Variants in ATP7B observed in about 807,000 individuals in gnomAD.
ATP7B encodes the protein copper-transporting ATPase 2.
A neutral mutation model predicts 118.9 loss-of-function variants in ATP7B; 113 were observed. The observed-to-expected ratio is 0.95, with a 90% confidence interval of 0.82 to 1.11. The LOEUF is 1.11. Among genes scored for constraint, ATP7B ranks in the 50% most tolerant of loss-of-function variants. ATP7B has a pLI of 0.00. For synonymous variants in ATP7B, 777 were observed against 727.4 expected (o/e 1.07, Z -1.10); for missense variants, 1,867 against 1,871.4 (o/e 1.00, Z 0.04).
In ATP7B at chr13:51,958,291, G is replaced by T; in HGVS notation, c.2355+20C>A. 1 of 1,611,580 alleles carries T rather than the reference G, an allele frequency of 6.2e-7. No homozygotes were observed. The highest frequency in any genetic ancestry group is 1.1e-5 in the South Asian group (1 of 91,000). ...TTTACTGAAGGAGCAGCTCTTTTCT[G>T]AACCTGAAGCTGCTGTTACCTTTGC... On this transcript the variant is annotated intron_variant, in intron 8 of 20. Transcript: ENST00000242839.
intron 4 of ATP7B, chr13:51,967,285 T>G: frequency 1.4e-6 from 1 of 718,094 alleles, no homozygotes. Context: ...ACATTTTACA[T>G]GCAGTTATTT....
intron 9 of ATP7B, among the ~76,000 whole-genome samples, chr13:51,951,152 G>A (rs1002211910): frequency 2.0e-5 from 3 of 151,950 alleles, no homozygotes; most frequent in South Asian, 2.1e-4. Flanking sequence ...CAGCCCAAGC[G>A]GAAGATGGAA....
At chr13:51,975,350 C>T (rs1249351284) in intron 1 of ATP7B, 182 bp from the exon 2 acceptor site, 3 of 853,298 alleles carry the variant, frequency 3.5e-6, no homozygotes, top group Non-Finnish European at 6.0e-6. Flanking sequence ...TGAAAGAGCT[C>T]TGACATTCTT....
intron 1 of ATP7B, among the ~76,000 whole-genome samples, chr13:52,008,324 G>C (rs546414168): frequency 6.6e-6 from 1 of 152,306 alleles, no homozygotes; most frequent in East Asian, 1.9e-4. Flanking sequence ...TAGCAACAGA[G>C]TGAGACTACC....
At chr13:52,011,152 A>G (rs557917469) in intron 1 of ATP7B, 135 bp downstream of exon 1, 31 of 1,326,386 alleles carry the variant, frequency 2.3e-5, no homozygotes, top group Non-Finnish European at 3.1e-5. Context: ...TCCCACGCCA[A>G]GACATCCCTG....
intron 19 of ATP7B, 131 bp downstream of exon 19, chr13:51,937,145 A>G: frequency 1.3e-6 from 1 of 794,106 alleles, no homozygotes; most frequent in Non-Finnish European, 2.1e-6. Context: ...ACATGAAAAA[A>G]AAAAAAAAAC....
intron 5 of ATP7B, among the ~76,000 whole-genome samples, chr13:51,964,092 A>G (rs1292520998): frequency 2.0e-5 from 3 of 150,274 alleles, no homozygotes; most frequent in Non-Finnish European, 4.4e-5. Flanking sequence ...CACATAACAG[A>G]CAGCATCTCT....
chr13:52,007,322 C>T (rs2140665265), intron 1 of ATP7B, among the ~76,000 whole-genome samples: 1 of 152,324 alleles, frequency 6.6e-6, no homozygotes, highest in Admixed American at 6.5e-5. Flanking sequence ...CTGGCTAGGA[C>T]TCAATCCTAG....
intron 13 of ATP7B, among the ~76,000 whole-genome samples, chr13:51,944,944 A>G (rs1957555321): frequency 6.6e-6 from 1 of 152,228 alleles, no homozygotes; most frequent in Non-Finnish European, 1.5e-5. Flanking sequence ...CTGAAAGTCC[A>G]GTAATTCCTG....
At chr13:51,969,225 G>A (rs1856663717) in intron 3 of ATP7B, among the ~76,000 whole-genome samples, 1 of 151,758 alleles carries the variant, frequency 6.6e-6, no homozygotes, top group African/African-American at 2.4e-5. Context: ...AAACTTTAAT[G>A]GACATATGAA....
In ATP7B at chr13:52,010,162, C is replaced by T. The variant is rs550330481; in HGVS notation, c.51+1125G>A. 2.0e-5 allele frequency among the ~76,000 whole-genome samples: 3 copies of T among 152,256 alleles called. No individual in the cohort carries two copies. In the East Asian group the frequency reaches 5.8e-4, roughly 29 times the overall value. On this transcript the variant is annotated intron_variant, in intron 1 of 20. Transcript: ENST00000242839. ...CAAGCCACCCCTCCCAACATTTCTT[C>T]ATACTCCTATCAAATGCATAGTCAT...
chr13:51,940,984 T>C (rs1957295428), intron 16 of ATP7B, 97 bp downstream of exon 16: 2 of 1,553,674 alleles, frequency 1.3e-6, no homozygotes, highest in African/African-American at 1.4e-5. Flanking sequence ...GGCTTTTGTT[T>C]GTCTTCTTTT....
intron 9 of ATP7B, among the ~76,000 whole-genome samples, chr13:51,953,224 G>A (rs987225267): frequency 6.6e-6 from 1 of 152,144 alleles, no homozygotes; most frequent in African/African-American, 2.4e-5. Flanking sequence ...TTGCCCTTGA[G>A]GCCCCCTCTG....
chr13:51,956,261 G>A (rs1025900113), intron 9 of ATP7B, among the ~76,000 whole-genome samples: 7 of 151,930 alleles, frequency 4.6e-5, no homozygotes, highest in Non-Finnish European at 1.0e-4. Flanking sequence ...CACCTGGGGC[G>A]TGCCCAGGGC....
chr13:51,998,073 C>T (rs1329125295), intron 1 of ATP7B, among the ~76,000 whole-genome samples: 2 of 152,162 alleles, frequency 1.3e-5, no homozygotes, highest in Non-Finnish European at 2.9e-5. Context: ...CTCCCCTTCC[C>T]GGCACCATCT....
rs1362331971 is a variant in ATP7B at position 51,973,970 on chromosome 13, A to G, written c.1250T>C (p.Ile417Thr). 6 of 1,614,156 alleles carry G rather than the reference A, an allele frequency of 3.7e-6. No homozygotes were observed. Among genetic ancestry groups the G allele is most frequent in the Non-Finnish European group, 5.1e-6 (6 of 1,180,062 alleles). ...VISPEELRAA[I>T]EDMGFEASVV... is the part of the protein sequence containing the mutation. ...TGAAGCCTCAAATCCCATGTCTTCT[A>G]TAGCAGCTCTGAGTTCTTCTGGGCT... The change falls in exon 2 of 21, where the codon ATA becomes ACA. Residue 417 changes from isoleucine to threonine, a missense_variant. By Grantham distance (89) the Ile-to-Thr change is moderately conservative. Coordinates refer to ENST00000242839, the MANE Select transcript of ATP7B (RefSeq NM_000053.4).
At position 51,995,385 on chromosome 13, in the gene ATP7B, T is replaced by C. The variant is rs542380055; in HGVS notation, c.51+15902A>G. The C allele has an allele frequency of 2.9e-5, 28 of 968,530 alleles. No homozygotes were observed. The Admixed American group carries it at 1.4e-3, about 49-fold the overall frequency. The allele number at this position is 968,530 out of a possible 1,614,324, so 60.0% of individuals were successfully genotyped here. On this transcript the variant is annotated intron_variant, in intron 1 of 20. Transcript: ENST00000242839. Reference sequence around the variant, plus strand: ...AATTCTCCTTCCTCTGACGGTGGAGTGCCTTCCTCCACAGTAGACACTGGC... The same window carrying C: ...AATTCTCCTTCCTCTGACGGTGGAGCGCCTTCCTCCACAGTAGACACTGGC...
chr13:51,968,355 T>C, intron 4 of ATP7B, 89 bp downstream of exon 4: 3 of 1,584,424 alleles, frequency 1.9e-6, no homozygotes, highest in South Asian at 1.1e-5. Flanking sequence ...ACGTCCAAGA[T>C]GGGGAAATTT....
chr13:51,995,532 C>T (rs1953162101), intron 1 of ATP7B, among the ~76,000 whole-genome samples: 1 of 152,220 alleles, frequency 6.6e-6, no homozygotes, highest in African/African-American at 2.4e-5. Flanking sequence ...TGGGGCACAT[C>T]ACCCCTGGCT....
Sources: gnomAD v4.1 joint callset for allele counts (sites outside exome capture counted in the v4.1 genomes callset) on GRCh38, gnomAD v4.1.1 for gene constraint, MANE v1.5 for transcripts, NCBI Gene and HGNC (gene_info 2026-07-23, HGNC 2026-07-21) for gene names.